The following ESYT2 variants were observed in gnomAD, a reference collection of about 807,000 sequenced individuals.
ESYT2 encodes extended synaptotagmin-2.
ESYT2 carries 54 observed loss-of-function variants against 107.2 expected under a neutral mutation model. That is an observed-to-expected ratio of 0.50 (90% confidence interval 0.40 to 0.63). The LOEUF (loss-of-function observed/expected upper bound fraction) is 0.63, where lower values mean the gene tolerates loss of function less well. Among genes scored for constraint, ESYT2 ranks in the 30% least tolerant of loss-of-function variants. The pLI is 0.00. For missense variants in ESYT2, 1,020 were observed against 1,094.5 expected, an observed-to-expected ratio of 0.93 and a Z score of 0.96; for synonymous variants, 491 against 434.1, an observed-to-expected ratio of 1.13 and a Z score of -1.63.
At chr7:158,788,453 A>G in intron 4 of ESYT2, 36 bp from the exon 5 acceptor site, 1 of 1,525,984 alleles carries the variant, frequency 6.6e-7, no homozygotes, top group South Asian at 1.2e-5. Flanking sequence ...ATGTAAGTGA[A>G]ATGAACTATT....
chr7:158,827,288 C>T (rs978934899), intron 1 of ESYT2, among the ~76,000 whole-genome samples: 3 of 152,070 alleles, frequency 2.0e-5, no homozygotes, highest in African/African-American at 7.2e-5. Context: ...CTGCAAATTT[C>T]AGCACTGATA....
intron 16 of ESYT2, among the ~76,000 whole-genome samples, chr7:158,745,880 C>T (rs1454748824): frequency 2.0e-5 from 3 of 152,108 alleles, no homozygotes; most frequent in East Asian, 3.9e-4. Context: ...TAAATGCCTA[C>T]ATTATAAAAA....
intron 13 of ESYT2, among the ~76,000 whole-genome samples, chr7:158,758,702 A>C (rs1837853174): frequency 1.3e-5 from 2 of 152,184 alleles, no homozygotes; most frequent in African/African-American, 2.4e-5. Context: ...CTAGTCAGCA[A>C]GTGTATGGGC....
intron 1 of ESYT2, among the ~76,000 whole-genome samples, chr7:158,828,829 G>A (rs1221931573): frequency 1.1e-4 from 16 of 151,380 alleles, no homozygotes; most frequent in Non-Finnish European, 2.4e-4. Flanking sequence ...CCGGGGGGCG[G>A]GGCGGGGTCT....
intron 6 of ESYT2, among the ~76,000 whole-genome samples, chr7:158,783,660 A>AG (rs1839006496): frequency 6.6e-6 from 1 of 152,178 alleles, no homozygotes; most frequent in Admixed American, 6.5e-5. Flanking sequence ...AAGGAAGACG[A>AG]GATCCCCACA....
chr7:158,811,658 C>T (rs1839996857), intron 1 of ESYT2, among the ~76,000 whole-genome samples: 1 of 152,192 alleles, frequency 6.6e-6, no homozygotes, highest in Non-Finnish European at 1.5e-5. Context: ...GCGGAGACCA[C>T]AGAGTGGTGA....
chr7:158,819,794 A>C (rs1194976670), intron 1 of ESYT2, among the ~76,000 whole-genome samples: 1 of 152,258 alleles, frequency 6.6e-6, no homozygotes, highest in Non-Finnish European at 1.5e-5. Flanking sequence ...ATGTTCATTA[A>C]ATATAGAAAG....
At chr7:158,782,537 A>AAAAG (rs1554586999) in intron 6 of ESYT2, among the ~76,000 whole-genome samples, 45 of 143,250 alleles carry the variant, frequency 3.1e-4, no homozygotes, top group African/African-American at 1.1e-3. Flanking sequence ...GAGTGTAAGA[A>AAAAG]AATGAGTGTG....
At chr7:158,807,578 C>T (rs1369821636) in intron 1 of ESYT2, among the ~76,000 whole-genome samples, 1 of 152,134 alleles carries the variant, frequency 6.6e-6, no homozygotes, top group Non-Finnish European at 1.5e-5. Context: ...ATTACCTTCA[C>T]TGGATGTTCG....
intron 15 of ESYT2, 88 bp from the exon 16 acceptor site, chr7:158,748,368 A>C: frequency 1.9e-6 from 2 of 1,080,006 alleles, no homozygotes; most frequent in Non-Finnish European, 2.7e-6. Flanking sequence ...AGAATGAAAA[A>C]TAAAAAGAAA....
chr7:158,818,719 C>A (rs1160532782), intron 1 of ESYT2, among the ~76,000 whole-genome samples: 1 of 152,226 alleles, frequency 6.6e-6, no homozygotes. Context: ...TCAGGCTCAA[C>A]CCCCATCAAA....
In ESYT2 at chr7:158,735,514, G is replaced by A; in HGVS notation, c.2494C>T (p.Leu832Phe). ...CGTTTGGCACTTACTTTGCCAAGGA[G>A]CCCTTTGTCTTTGGACAGGAAGCCG... ...SGGFLSKDKG[L>F]LGKVLVALAS... is the part of the protein sequence containing the mutation. Residue 832 changes from leucine to phenylalanine, a missense_variant, in exon 21 of 23, where the codon CTC (leucine) becomes TTC (phenylalanine). Leu to Phe is a conservative substitution (Grantham distance 22). Coordinates refer to ENST00000275418, the MANE Select transcript of ESYT2 (RefSeq NM_001367773.1). 1.9e-6 allele frequency: 3 copies of A among 1,613,970 alleles called. No individual in the cohort carries two copies. Among genetic ancestry groups the A allele is most frequent in the Non-Finnish European group, 2.5e-6 (3 of 1,179,852 alleles).
At chr7:158,770,677 G>A (rs922496381) in intron 7 of ESYT2, among the ~76,000 whole-genome samples, 3 of 151,832 alleles carry the variant, frequency 2.0e-5, no homozygotes, top group Admixed American at 6.6e-5. Context: ...ACCATGCCCG[G>A]CTAATTTTTT....
Position 158,750,546 on chromosome 7 carries a change from G to T in ESYT2, c.1483-823C>A, listed in dbSNP as rs148991100. On this transcript the variant is annotated intron_variant, in intron 14 of 22. Coordinates refer to ENST00000275418, the MANE Select transcript of ESYT2 (RefSeq NM_001367773.1). Reference sequence around the variant, plus strand: ...AACAATACAGCAGTGTCAGAAATAGGTGTCAAAATCCTATCATTATTGGAA... The same window carrying T: ...AACAATACAGCAGTGTCAGAAATAGTTGTCAAAATCCTATCATTATTGGAA... Among the ~76,000 whole-genome samples, 103 of 152,242 alleles carry T rather than the reference G, an allele frequency of 6.8e-4. 1 individual carries two copies. The highest frequency in any genetic ancestry group is 2.4e-3 in the African/African-American group (101 of 41,548).
intron 1 of ESYT2, 45 bp from the exon 2 acceptor site, chr7:158,799,117 T>C (rs1839558945): frequency 6.5e-7 from 1 of 1,549,016 alleles, no homozygotes. Flanking sequence ...TCCCAACAAC[T>C]GTAAATAAAA....
At chr7:158,810,612 G>A (rs1839966476) in intron 1 of ESYT2, among the ~76,000 whole-genome samples, 1 of 152,162 alleles carries the variant, frequency 6.6e-6, no homozygotes, top group Non-Finnish European at 1.5e-5. Context: ...AGCCTGGGAG[G>A]TGGAGGCTGC....
At chr7:158,766,240 AAC>A (rs1472152252) in intron 8 of ESYT2, among the ~76,000 whole-genome samples, 1 of 152,182 alleles carries the variant, frequency 6.6e-6, no homozygotes, top group East Asian at 1.9e-4. Context: ...CCCACAGAGG[AAC>A]ACACTTGGAA....
chr7:158,749,814 G>A, intron 14 of ESYT2, 91 bp from the exon 15 acceptor site: 1 of 1,162,846 alleles, frequency 8.6e-7, no homozygotes, highest in Non-Finnish European at 1.2e-6. Flanking sequence ...TATATTAGTA[G>A]TCATTTTTAT....
chr7:158,829,218 G>C lies in ESYT2; in HGVS notation c.201C>G (p.Leu67=), dbSNP rs759744316. ...TGCGGCGACACCAGGCGAGCAGCGCGAGCGCGAGGAGAACCCAGCTGAAGC... is the reference window on the plus strand; with the variant it reads ...TGCGGCGACACCAGGCGAGCAGCGCCAGCGCGAGGAGAACCCAGCTGAAGC... The part of the protein sequence containing the change: ...GLSFSWVLLA[L]ALLAWCRRSR... The change falls in exon 1 of 23, where the codon CTC becomes CTG. Residue 67 remains leucine (L), a synonymous_variant. Coordinates refer to ENST00000275418, the MANE Select transcript of ESYT2 (RefSeq NM_001367773.1). The C allele has an allele frequency of 1.3e-6, 2 of 1,529,266 alleles. No individual in the cohort carries two copies. The highest frequency in any genetic ancestry group is 4.0e-5 in the Admixed American group (2 of 50,240). The allele number at this position is 1,529,266 out of a possible 1,614,324, so 94.7% of individuals were successfully genotyped here. A position where few individuals can be genotyped will look rare whatever the true frequency, so the allele number is the denominator to read the frequency against.
Sources: gnomAD v4.1 joint callset for allele counts (sites outside exome capture counted in the v4.1 genomes callset) on GRCh38, gnomAD v4.1.1 for gene constraint, MANE v1.5 for transcripts, NCBI Gene and HGNC (gene_info 2026-07-23, HGNC 2026-07-21) for gene names.